The following DENND1A variants were observed in gnomAD, a reference collection of about 807,000 sequenced individuals.
DENND1A encodes DENN domain-containing protein 1A.
A neutral mutation model predicts 113.7 loss-of-function variants in DENND1A; 51 were observed. That is an observed-to-expected ratio of 0.45 (90% CI 0.36 to 0.57). DENND1A has a LOEUF of 0.57. Among genes scored for constraint, DENND1A ranks in the 20% least tolerant of loss-of-function variants. The probability of loss-of-function intolerance (pLI) is 0.00; values close to 1 mark genes in which losing one functional copy is unlikely to be tolerated. For synonymous variants in DENND1A, 565 were observed against 570.8 expected (o/e 0.99, Z 0.14); for missense variants, 1,258 against 1,395.9 (o/e 0.90, Z 1.57).
chr9:123,885,014 C>T (rs1040109690), intron 1 of DENND1A, among the ~76,000 whole-genome samples: 10 of 149,568 alleles, frequency 6.7e-5, no homozygotes, highest in Non-Finnish European at 1.0e-4. Context: ...CACACACACA[C>T]ACACACACAC....
intron 2 of DENND1A, among the ~76,000 whole-genome samples, chr9:123,816,953 C>T (rs1304631596): frequency 6.6e-6 from 1 of 152,186 alleles, no homozygotes; most frequent in Non-Finnish European, 1.5e-5. Flanking sequence ...AAGGTAAGGA[C>T]CTGTAGACAG....
chr9:123,920,534 C>A (rs999166480), intron 1 of DENND1A, among the ~76,000 whole-genome samples: 5 of 152,002 alleles, frequency 3.3e-5, no homozygotes, highest in African/African-American at 1.2e-4. Context: ...GAATAGATTT[C>A]CAATATTTAT....
chr9:123,434,174 A>T (rs939119286), intron 19 of DENND1A, among the ~76,000 whole-genome samples: 1 of 152,164 alleles, frequency 6.6e-6, no homozygotes, highest in African/African-American at 2.4e-5. Context: ...CTACAGGCGC[A>T]TGCCATCATG....
intron 3 of DENND1A, among the ~76,000 whole-genome samples, chr9:123,792,031 G>A (rs1034558760): frequency 6.6e-6 from 1 of 152,138 alleles, no homozygotes; most frequent in African/African-American, 2.4e-5. Context: ...CCCATTCTAT[G>A]CTTGCAGAAT....
intron 13 of DENND1A, among the ~76,000 whole-genome samples, chr9:123,510,641 C>T (rs2053379325): frequency 6.6e-6 from 1 of 152,140 alleles, no homozygotes; most frequent in Non-Finnish European, 1.5e-5. Context: ...ATACCACAGG[C>T]CATCCCCTGC....
intron 5 of DENND1A, among the ~76,000 whole-genome samples, chr9:123,677,895 A>G (rs1359257264): frequency 5.3e-5 from 8 of 151,972 alleles, no homozygotes; most frequent in East Asian, 1.9e-4. Flanking sequence ...TCCTCTGTCT[A>G]CTTCCTCATA....
chr9:123,852,042 T>C (rs1235421726), intron 2 of DENND1A, among the ~76,000 whole-genome samples: 1 of 152,078 alleles, frequency 6.6e-6, no homozygotes, highest in Non-Finnish European at 1.5e-5. Context: ...CGCTATTGAG[T>C]GCTATGTGCT....
intron 3 of DENND1A, among the ~76,000 whole-genome samples, chr9:123,776,224 T>C (rs1480207740): frequency 6.6e-6 from 1 of 152,178 alleles, no homozygotes; most frequent in Non-Finnish European, 1.5e-5. Context: ...TTATATTTTC[T>C]CAAGGTATGA....
Position 123,671,353 on chromosome 9 carries a change from G to GAAA in DENND1A, c.390_391insTTT (p.Glu130_Leu131insPhe). The GAAA allele has an allele frequency of 6.2e-7, 1 of 1,613,894 alleles. No individual in the cohort carries two copies. The highest frequency in any genetic ancestry group is 8.5e-7 in the Non-Finnish European group (1 of 1,179,948). On this transcript the variant is annotated inframe_insertion, in exon 7 of 24. Transcript: ENST00000394215. Reference sequence around the variant, plus strand: ...GGAAGTTTGTGCAGAGTTTCAAGAAGCTCATTCCACTGATTTTCCTGAAAG... The same window carrying GAAA: ...GGAAGTTTGTGCAGAGTTTCAAGAAGAAACTCATTCCACTGATTTTCCTGAAAG...
chr9:123,449,059 A>T (rs1458429991), intron 18 of DENND1A, among the ~76,000 whole-genome samples: 3 of 152,242 alleles, frequency 2.0e-5, no homozygotes, highest in Non-Finnish European at 2.9e-5. Flanking sequence ...CACAGCCACC[A>T]GAAGTCGATG....
intron 13 of DENND1A, among the ~76,000 whole-genome samples, chr9:123,515,406 C>T (rs1176928082): frequency 2.6e-5 from 4 of 152,088 alleles, no homozygotes; most frequent in Non-Finnish European, 5.9e-5. Flanking sequence ...GGCTGAAATA[C>T]TTAGGAGTGA....
In DENND1A at chr9:123,884,984, T is replaced by C. The variant is rs961476597; in HGVS notation, c.18-5963A>G. On this transcript the variant is annotated intron_variant, in intron 1 of 23. Transcript: ENST00000394215. The stretch of plus-strand genomic sequence containing the variant: ...CAACCCTCCCATCTCCCACCTGACC[T>C]GCGAGCGCGCGCGCACACACACACA... Among the ~76,000 whole-genome samples the C allele has an allele frequency of 2.0e-5, 3 of 147,278 alleles. 1 individual carries two copies. Among genetic ancestry groups the C allele is most frequent in the Admixed American group, 2.0e-4 (3 of 14,852 alleles).
intron 2 of DENND1A, among the ~76,000 whole-genome samples, chr9:123,799,697 T>C (rs879356077): frequency 3.3e-5 from 5 of 152,210 alleles, no homozygotes; most frequent in Non-Finnish European, 7.4e-5. Flanking sequence ...CTTTGTCTCC[T>C]ACAAAATGTC....
At chr9:123,776,626 A>G (rs1032177247) in intron 3 of DENND1A, among the ~76,000 whole-genome samples, 9 of 152,174 alleles carry the variant, frequency 5.9e-5, no homozygotes, top group African/African-American at 2.2e-4. Flanking sequence ...TTCAGTCACA[A>G]TTGCATACCC....
intron 10 of DENND1A, among the ~76,000 whole-genome samples, chr9:123,627,655 G>A (rs1196360747): frequency 6.6e-6 from 1 of 150,972 alleles, no homozygotes; most frequent in Non-Finnish European, 1.5e-5. Flanking sequence ...CAGGAGAATC[G>A]CTTGAACCTG....
At chr9:123,701,934 G>A (rs55734239) in intron 5 of DENND1A, among the ~76,000 whole-genome samples, 27,865 of 152,074 alleles carry the variant, frequency 0.18, 2,734 homozygotes, top group African/African-American at 0.26. Context: ...AGGGAAACAC[G>A]TTGTCACTAA....
intron 9 of DENND1A, among the ~76,000 whole-genome samples, chr9:123,650,906 C>CAAA (rs76905879): frequency 3.4e-3 from 121 of 35,212 alleles, no homozygotes; most frequent in Non-Finnish European, 4.4e-3. Context: ...GACTCTGTCT[C>CAAA]AAAAAAAAAA....
intron 13 of DENND1A, among the ~76,000 whole-genome samples, chr9:123,526,490 C>A (rs891142139): frequency 1.3e-5 from 2 of 152,194 alleles, no homozygotes; most frequent in Non-Finnish European, 2.9e-5. Context: ...TCCCTCAGCC[C>A]TACATGACCA....
At chr9:123,644,393 A>C (rs903147854) in intron 9 of DENND1A, among the ~76,000 whole-genome samples, 5 of 151,602 alleles carry the variant, frequency 3.3e-5, no homozygotes, top group Non-Finnish European at 5.9e-5. Flanking sequence ...AAAAAAAAAA[A>C]AAAAAAAAAC....
Sources: allele counts gnomAD v4.1 joint callset (sites outside exome capture counted in the v4.1 genomes callset), GRCh38; gene constraint gnomAD v4.1.1; transcripts MANE v1.5; gene names NCBI Gene and HGNC (gene_info 2026-07-23, HGNC 2026-07-21).